PRCP: variants seen among roughly 807,000 people sequenced by gnomAD.
PRCP encodes lysosomal Pro-X carboxypeptidase.
Under a neutral mutation model 54.2 loss-of-function variants are expected in PRCP, and 46 were observed. The observed-to-expected ratio is 0.85, with a 90% CI of 0.67 to 1.09. The LOEUF (loss-of-function observed/expected upper bound fraction) is 1.09, where lower values mean the gene tolerates loss of function less well. Among genes scored for constraint, PRCP ranks in the 50% least tolerant of loss-of-function variants. PRCP has a pLI of 0.00. For missense variants in PRCP, 613 were observed against 596.8 expected (o/e 1.03, Z -0.28); for synonymous variants, 240 against 212.2 (o/e 1.13, Z -1.14).
In PRCP at chr11:82,899,464, T is replaced by C. The variant is rs559772105; in HGVS notation, c.168+771A>G. Reference sequence around the variant, plus strand: ...TAATCCCAACCTTTTCCAAATCTTTTCCTATTTTTACACAGGCTTTCAGAA... The same window carrying C: ...TAATCCCAACCTTTTCCAAATCTTTCCCTATTTTTACACAGGCTTTCAGAA... On this transcript the variant is annotated intron_variant, in intron 1 of 8. Coordinates refer to ENST00000313010, the MANE Select transcript of PRCP (RefSeq NM_005040.4). 1.5e-4 allele frequency among the ~76,000 whole-genome samples: 23 copies of C among 152,318 alleles called. No individual in the cohort carries two copies. In the South Asian group the frequency reaches 4.6e-3, roughly 30 times the overall value.
chr11:82,850,400 C>T lies in PRCP; in HGVS notation c.517G>A (p.Val173Ile). ...CCATAGGAGCCTCCTATGGCAATGACAGGTTGATTTTCAGCTCCTGGGATT... is the reference window on the plus strand; with the variant it reads ...CCATAGGAGCCTCCTATGGCAATGATAGGTTGATTTTCAGCTCCTGGGATT... ...RTIPGAENQP[V>I]IAIGGSYGGM... is the part of the protein sequence containing the mutation. Residue 173 changes from valine (V) to isoleucine (I), a missense_variant, in exon 4 of 9, where the codon GTC becomes ATC. Coordinates refer to ENST00000313010, the MANE Select transcript of PRCP (RefSeq NM_005040.4). The T allele has an allele frequency of 6.2e-7, 1 of 1,605,472 alleles. No individual in the cohort carries two copies. The highest frequency in any genetic ancestry group is 8.5e-7 in the Non-Finnish European group (1 of 1,175,316).
rs546841902 is a variant in PRCP, at chr11:82,874,519, C to T, written c.169-14402G>A. Among the ~76,000 whole-genome samples the T allele has an allele frequency of 2.6e-5, 4 of 151,652 alleles. No individual in the cohort carries two copies. The South Asian group carries it at 8.4e-4, about 32-fold the overall frequency. ...CAGCCTGGGCAACATGGCAAAACCCCGTCTCTTCAAAAAATACAAAAATTA... is the reference window on the plus strand; with the variant it reads ...CAGCCTGGGCAACATGGCAAAACCCTGTCTCTTCAAAAAATACAAAAATTA... On this transcript the variant is annotated intron_variant, in intron 1 of 8. Coordinates refer to ENST00000313010, the MANE Select transcript of PRCP (RefSeq NM_005040.4).
rs535253352 is a variant in PRCP at position 82,897,538 on chromosome 11, G to GA, written c.168+2696dup. Among the ~76,000 whole-genome samples the GA allele has an allele frequency of 1.7e-3, 252 of 152,330 alleles. 1 individual carries two copies. Among genetic ancestry groups the GA allele is most frequent in the African/African-American group, 5.8e-3 (243 of 41,570 alleles). ...GAAGTCAAAGATTCGCAGAAGAGGT[G>GA]AGACATTTCTGCTGGAATAGAATTA... On this transcript the variant is annotated intron_variant, in intron 1 of 8. Transcript: ENST00000313010.
At chr11:82,845,323 A>G (rs1028526567) in intron 6 of PRCP, among the ~76,000 whole-genome samples, 6 of 152,206 alleles carry the variant, frequency 3.9e-5, no homozygotes, top group African/African-American at 1.2e-4. Flanking sequence ...GAGAGTACAC[A>G]TTTAAATAAG....
intron 6 of PRCP, chr11:82,840,023 AG>A (rs1858623430): frequency 6.6e-6 from 1 of 152,086 alleles, no homozygotes; most frequent in South Asian, 2.1e-4. Flanking sequence ...GTATCTGGTA[AG>A]TAAATGTTTG....
intron 1 of PRCP, among the ~76,000 whole-genome samples, chr11:82,860,970 A>G (rs1859194780): frequency 2.0e-5 from 3 of 152,338 alleles, no homozygotes; most frequent in South Asian, 4.1e-4. Context: ...ACAAGGAACT[A>G]TCACTGGCAA....
intron 2 of PRCP, chr11:82,858,271 C>T (rs1859135744): frequency 1.3e-5 from 2 of 152,312 alleles, no homozygotes; most frequent in South Asian, 4.1e-4. Flanking sequence ...AGGCACAGAA[C>T]AAGAAACTTA....
chr11:82,861,974 C>T (rs956639840), intron 1 of PRCP, among the ~76,000 whole-genome samples: 2 of 151,866 alleles, frequency 1.3e-5, no homozygotes, highest in African/African-American at 4.8e-5. Context: ...CTTTTGAGCA[C>T]CAACATGATA....
intron 1 of PRCP, among the ~76,000 whole-genome samples, chr11:82,861,532 C>T (rs1859207684): frequency 2.0e-5 from 3 of 151,998 alleles, no homozygotes; most frequent in Admixed American, 6.6e-5. Context: ...TGGTAGAGCA[C>T]GCAGGGATTA....
intron 1 of PRCP, among the ~76,000 whole-genome samples, chr11:82,888,157 A>G (rs897199269): frequency 2.6e-5 from 4 of 152,204 alleles, no homozygotes; most frequent in African/African-American, 9.7e-5. Context: ...GGTGAGAAAA[A>G]GTATCGCACC....
At chr11:82,896,340 T>C (rs1860120578) in intron 1 of PRCP, among the ~76,000 whole-genome samples, 1 of 152,170 alleles carries the variant, frequency 6.6e-6, no homozygotes, top group South Asian at 2.1e-4. Context: ...TCAGCGGACT[T>C]TAAATCAGTG....
At chr11:82,887,204 C>T (rs1859880817) in intron 1 of PRCP, among the ~76,000 whole-genome samples, 1 of 152,166 alleles carries the variant, frequency 6.6e-6, no homozygotes, top group African/African-American at 2.4e-5. Context: ...TATAGGATTC[C>T]CTAATACTCC....
chr11:82,886,037 T>C (rs550205963), intron 1 of PRCP, among the ~76,000 whole-genome samples: 1 of 152,140 alleles, frequency 6.6e-6, no homozygotes, highest in East Asian at 1.9e-4. Context: ...ACTCATAGAG[T>C]TATTTTAGAA....
chr11:82,862,070 C>T (rs1237124622), intron 1 of PRCP, among the ~76,000 whole-genome samples: 1 of 143,964 alleles, frequency 6.9e-6, no homozygotes, highest in Non-Finnish European at 1.5e-5. Context: ...ATGACTATTA[C>T]AAAATCAAAA....
chr11:82,838,597 AT>A, intron 7 of PRCP, 23 bp from the exon 8 acceptor site: 1 of 1,588,884 alleles, frequency 6.3e-7, no homozygotes, highest in South Asian at 1.1e-5. Context: ...CCAAGAGAGA[AT>A]CCAATTAGAA....
chr11:82,874,379 A>G (rs1859550549), intron 1 of PRCP, among the ~76,000 whole-genome samples: 1 of 152,176 alleles, frequency 6.6e-6, no homozygotes, highest in Non-Finnish European at 1.5e-5. Context: ...ATACACAAAT[A>G]AGAACTTAGA....
intron 1 of PRCP, among the ~76,000 whole-genome samples, chr11:82,869,957 G>A (rs1591061781): frequency 6.6e-6 from 1 of 152,352 alleles, no homozygotes; most frequent in Non-Finnish European, 1.5e-5. Context: ...TCTGCTGGGT[G>A]AAGAAACAGT....
At chr11:82,886,460 T>A (rs1179881681) in intron 1 of PRCP, among the ~76,000 whole-genome samples, 1 of 152,160 alleles carries the variant, frequency 6.6e-6, no homozygotes, top group East Asian at 1.9e-4. Context: ...AATTTTTGTA[T>A]TTTTTTAAAG....
intron 1 of PRCP, among the ~76,000 whole-genome samples, chr11:82,873,958 A>AT (rs1470835054): frequency 6.6e-6 from 1 of 152,230 alleles, no homozygotes; most frequent in Non-Finnish European, 1.5e-5. Flanking sequence ...CGCAGTCCTG[A>AT]TTTCACTATA....
Sources: gnomAD v4.1 joint callset for allele counts (sites outside exome capture counted in the v4.1 genomes callset) on GRCh38, gnomAD v4.1.1 for gene constraint, MANE v1.5 for transcripts, NCBI Gene and HGNC (gene_info 2026-07-23, HGNC 2026-07-21) for gene names.